LRRC39: variants seen among roughly 807,000 people sequenced by gnomAD.
LRRC39 encodes the protein leucine-rich repeat-containing protein 39.
In LRRC39, 35 loss-of-function variants were observed where a neutral mutation model predicts 39.7. The observed-to-expected ratio is 0.88, with a 90% CI of 0.67 to 1.17. The LOEUF (loss-of-function observed/expected upper bound fraction) is 1.17, where lower values mean the gene tolerates loss of function less well. LRRC39 is among the 50% of genes most tolerant of loss of function. LRRC39 has a pLI of 0.00. For synonymous variants in LRRC39, 113 were observed against 134.1 expected (o/e 0.84, Z 1.09); for missense variants, 357 against 385.8 (o/e 0.93, Z 0.62).
At chr1:100,152,106 C>T (rs1658087909) in intron 9 of LRRC39, among the ~76,000 whole-genome samples, 1 of 152,118 alleles carries the variant, frequency 6.6e-6, no homozygotes, top group Non-Finnish European at 1.5e-5. Context: ...GGTAGCAAAG[C>T]TTTAAGAATC....
At chr1:100,172,601 T>C (rs1434447521) in intron 2 of LRRC39, among the ~76,000 whole-genome samples, 1 of 151,312 alleles carries the variant, frequency 6.6e-6, no homozygotes, top group Non-Finnish European at 1.5e-5. Flanking sequence ...GGTGGGCAGA[T>C]TGCATGAACT....
intron 7 of LRRC39, among the ~76,000 whole-genome samples, chr1:100,155,456 T>C (rs977271308): frequency 1.3e-5 from 2 of 152,194 alleles, no homozygotes; most frequent in Non-Finnish European, 2.9e-5. Context: ...AGTATACTTA[T>C]TGAGTTAACT....
chr1:100,156,114 A>C, intron 7 of LRRC39, 58 bp downstream of exon 7: 2 of 1,531,874 alleles, frequency 1.3e-6, no homozygotes, highest in Non-Finnish European at 1.8e-6. Context: ...TTGCTTGGTT[A>C]TTTTTCATAA....
chr1:100,156,794 G>A (rs938652221), intron 6 of LRRC39, among the ~76,000 whole-genome samples: 1 of 152,068 alleles, frequency 6.6e-6, no homozygotes, highest in African/African-American at 2.4e-5. Flanking sequence ...GACCAGCCTG[G>A]GCAACATAGT....
chr1:100,178,817 T>C (rs1660114209), upstream of LRRC39, among the ~76,000 whole-genome samples: 1 of 152,122 alleles, frequency 6.6e-6, no homozygotes, highest in African/African-American at 2.4e-5. Context: ...ATCTCCACTC[T>C]CTCCATCCCC....
At chr1:100,159,544 A>C (rs1421663508) in intron 4 of LRRC39, 129 bp from the exon 5 acceptor site, 5 of 614,692 alleles carry the variant, frequency 8.1e-6, no homozygotes, top group Non-Finnish European at 1.2e-5. Flanking sequence ...TTAGTGGGTT[A>C]CTTTTCCAAG....
At chr1:100,178,453 T>TTTTCACAGCTTAATCA (rs1660096249), upstream of LRRC39, among the ~76,000 whole-genome samples, 1 of 152,190 alleles carries the variant, frequency 6.6e-6, no homozygotes, top group Admixed American at 6.5e-5. Context: ...GTCCTTCTAC[T>TTTTCACAGCTTAATCA]TTTCACAGCT....
At chr1:100,174,291 C>A (rs1360355939) in intron 1 of LRRC39, among the ~76,000 whole-genome samples, 1 of 151,668 alleles carries the variant, frequency 6.6e-6, no homozygotes, top group African/African-American at 2.4e-5. Context: ...CACTGCAGAA[C>A]ATTGTGGAAA....
intron 3 of LRRC39, among the ~76,000 whole-genome samples, chr1:100,165,623 T>G (rs1192950823): frequency 1.3e-5 from 2 of 152,208 alleles, no homozygotes; most frequent in Non-Finnish European, 2.9e-5. Context: ...ATCAGTAGCT[T>G]CTTGCCCCCC....
At chr1:100,156,044 C>A in intron 7 of LRRC39, 128 bp downstream of exon 7, 2 of 789,258 alleles carry the variant, frequency 2.5e-6, no homozygotes, top group Non-Finnish European at 3.7e-6. Context: ...TCTGTTAAAA[C>A]AGTGTATTTC....
rs185710889 is a variant in LRRC39, at chr1:100,174,466, T to A, written c.-118-1096A>T. Among the ~76,000 whole-genome samples the A allele has an allele frequency of 8.4e-3, 1,274 of 151,690 alleles. 11 individuals are homozygous for A. Among genetic ancestry groups the A allele is most frequent in the Non-Finnish European group, 0.013 (904 of 67,858 alleles). On this transcript the variant is annotated intron_variant, in intron 1 of 9. Transcript: ENST00000370137. ...GTGCACACCACCACACCTGGCTAAT[T>A]TATGTATTTTTCTGTAGAGATGGGG...
chr1:100,167,903 A>G (rs1429095128), intron 3 of LRRC39, among the ~76,000 whole-genome samples: 1 of 151,764 alleles, frequency 6.6e-6, no homozygotes, highest in African/African-American at 2.4e-5. Context: ...TTGCAGGATT[A>G]GTAGAATACT....
chr1:100,151,594 A>T (rs1658039142), intron 9 of LRRC39, among the ~76,000 whole-genome samples: 1 of 152,208 alleles, frequency 6.6e-6, no homozygotes, highest in Non-Finnish European at 1.5e-5. Flanking sequence ...TAAGTTAAAA[A>T]TTCTTAACAT....
In LRRC39 at chr1:100,148,892, A is replaced by T. The variant is rs1452768088; in HGVS notation, c.*150T>A. ...TTTAATTATATTTTTATATCAAAAA[A>T]ATATATACTTTAAATAGCAAATAAT... On this transcript the variant is annotated 3_prime_UTR_variant, in exon 10 of 10. Transcript: ENST00000370137. 6.2e-6 allele frequency: 7 copies of T among 1,127,630 alleles called. No individual in the cohort carries two copies. Among genetic ancestry groups the T allele is most frequent in the Non-Finnish European group, 8.1e-6 (7 of 860,106 alleles). 69.9% of individuals were successfully genotyped at this position (1,127,630 alleles called of 1,614,324 possible).
At chr1:100,177,092 A>G (rs1660015729) in intron 1 of LRRC39, among the ~76,000 whole-genome samples, 1 of 152,210 alleles carries the variant, frequency 6.6e-6, no homozygotes, top group African/African-American at 2.4e-5. Context: ...ACTCTATGGC[A>G]GTGTAAGGGA....
intron 3 of LRRC39, among the ~76,000 whole-genome samples, chr1:100,163,602 A>G (rs536670048): frequency 6.6e-6 from 1 of 151,844 alleles, no homozygotes; most frequent in African/African-American, 2.4e-5. Context: ...TTCTAAAAAA[A>G]AAAAAAAAAA....
chr1:100,162,110 C>T (rs369365409), intron 3 of LRRC39, among the ~76,000 whole-genome samples: 35 of 152,052 alleles, frequency 2.3e-4, no homozygotes, highest in Non-Finnish European at 4.1e-4. Flanking sequence ...GAATGGTATC[C>T]GATTGTGGGT....
At chr1:100,174,105 G>A (rs1659806706) in intron 1 of LRRC39, among the ~76,000 whole-genome samples, 1 of 152,068 alleles carries the variant, frequency 6.6e-6, no homozygotes, top group South Asian at 2.1e-4. Flanking sequence ...ACAATTCTAA[G>A]GATACAAAAT....
chr1:100,175,002 C>A (rs1167804145), intron 1 of LRRC39, among the ~76,000 whole-genome samples: 1 of 150,370 alleles, frequency 6.7e-6, no homozygotes, highest in Non-Finnish European at 1.5e-5. Context: ...TCCCCCTGCT[C>A]CCTCTTTTGC....
Sources: gnomAD v4.1 joint callset for allele counts (sites outside exome capture counted in the v4.1 genomes callset) on GRCh38, gnomAD v4.1.1 for gene constraint, MANE v1.5 for transcripts, NCBI Gene and HGNC (gene_info 2026-07-23, HGNC 2026-07-21) for gene names.